PDZRN4: variants seen among roughly 807,000 people sequenced by gnomAD.
The protein encoded by PDZRN4 is PDZ domain containing ring finger 4, also known as PDZ domain-containing RING finger protein 4.
PDZRN4 carries 70 observed loss-of-function variants against 99.0 expected under a neutral mutation model. The ratio of observed to expected loss-of-function variants is 0.71; its 90% confidence interval spans 0.58 to 0.86. The LOEUF (loss-of-function observed/expected upper bound fraction) is 0.86. PDZRN4 is among the 40% of genes least tolerant of loss of function. The probability of loss-of-function intolerance (pLI) is 0.00; values close to 1 mark genes in which losing one functional copy is unlikely to be tolerated. For missense variants in PDZRN4, 1,474 were observed against 1,331.2 expected (o/e 1.11, Z -1.67); for synonymous variants, 551 against 501.6 (o/e 1.10, Z -1.32).
At chr12:41,264,145 G>A (rs1951262055) in intron 3 of PDZRN4, among the ~76,000 whole-genome samples, 1 of 152,122 alleles carries the variant, frequency 6.6e-6, no homozygotes. Flanking sequence ...TAAGGCTGTA[G>A]GTACAATGAA....
At chr12:41,531,353 C>T (rs774808442) in intron 5 of PDZRN4, among the ~76,000 whole-genome samples, 11 of 152,156 alleles carry the variant, frequency 7.2e-5, no homozygotes, top group Admixed American at 2.0e-4. Flanking sequence ...TGCCGGAGTT[C>T]CAGTGCCTGT....
chr12:41,497,256 A>AT (rs909507954), intron 3 of PDZRN4, among the ~76,000 whole-genome samples: 2 of 152,052 alleles, frequency 1.3e-5, no homozygotes, highest in African/African-American at 2.4e-5. Flanking sequence ...TGTTTGCAGG[A>AT]TTTTTTTTAA....
Position 41,222,897 on chromosome 12 carries a change from A to T in PDZRN4, c.843+28709A>T, listed in dbSNP as rs141960934. Among the ~76,000 whole-genome samples, 284 of 152,300 alleles carry T rather than the reference A, an allele frequency of 1.9e-3. 1 individual carries two copies. The highest frequency in any genetic ancestry group is 6.5e-3 in the African/African-American group (269 of 41,574). On this transcript the variant is annotated intron_variant, in intron 3 of 9. Coordinates refer to ENST00000402685, the MANE Select transcript of PDZRN4 (RefSeq NM_001164595.2). Reference sequence around the variant, plus strand: ...CTATAGTAAGAAACCTGTTAGATAGAACCCACAGTATCTATGGTGTATATC... The same window carrying T: ...CTATAGTAAGAAACCTGTTAGATAGTACCCACAGTATCTATGGTGTATATC...
In PDZRN4 at chr12:41,554,372, G is replaced by A. The variant is rs148018460; in HGVS notation, c.1303-1326G>A. ...AATTGGAGCTGCACTTTTCAGGGAAGGGAAAGAAGCCACAGGATCTGAACA... is the reference window on the plus strand; with the variant it reads ...AATTGGAGCTGCACTTTTCAGGGAAAGGAAAGAAGCCACAGGATCTGAACA... On this transcript the variant is annotated intron_variant, in intron 6 of 9. Coordinates refer to ENST00000402685, the MANE Select transcript of PDZRN4 (RefSeq NM_001164595.2). Among the ~76,000 whole-genome samples the A allele has an allele frequency of 9.9e-4, 150 of 152,198 alleles. 3 individuals carry two copies. The East Asian group carries it at 0.017, about 17-fold the overall frequency.
At chr12:41,319,230 T>A (rs1390297288) in intron 3 of PDZRN4, among the ~76,000 whole-genome samples, 1 of 152,076 alleles carries the variant, frequency 6.6e-6, no homozygotes, top group African/African-American at 2.4e-5. Context: ...TTTTGGAAGG[T>A]TTATTCATGT....
intron 3 of PDZRN4, among the ~76,000 whole-genome samples, chr12:41,332,213 C>T (rs1051866550): frequency 2.0e-5 from 3 of 152,032 alleles, no homozygotes; most frequent in African/African-American, 7.2e-5. Context: ...TTACGTTCAC[C>T]TGGAATGTGT....
intron 3 of PDZRN4, among the ~76,000 whole-genome samples, chr12:41,206,517 TATTA>T (rs1264041658): frequency 6.6e-6 from 1 of 151,318 alleles, no homozygotes; most frequent in Non-Finnish European, 1.5e-5. Context: ...CTTAATTATT[TATTA>T]ATTAAGCTTA....
intron 3 of PDZRN4, among the ~76,000 whole-genome samples, chr12:41,227,481 A>G (rs1951002252): frequency 6.6e-6 from 1 of 151,984 alleles, no homozygotes; most frequent in Non-Finnish European, 1.5e-5. Flanking sequence ...CCTGGGCAAC[A>G]TGGCAAAACC....
intron 3 of PDZRN4, among the ~76,000 whole-genome samples, chr12:41,195,797 A>G (rs1950767589): frequency 6.6e-6 from 1 of 152,184 alleles, no homozygotes; most frequent in Non-Finnish European, 1.5e-5. Flanking sequence ...TCTAAAGGGC[A>G]ACATACTTTA....
intron 3 of PDZRN4, among the ~76,000 whole-genome samples, chr12:41,418,098 AT>A (rs139716372): frequency 0.021 from 3,225 of 152,226 alleles, 133 homozygotes; most frequent in African/African-American, 0.071. Flanking sequence ...TAATAGGATT[AT>A]TTTTCCTGCT....
intron 3 of PDZRN4, among the ~76,000 whole-genome samples, chr12:41,473,078 G>T (rs1953008325): frequency 6.6e-6 from 1 of 151,882 alleles, no homozygotes; most frequent in Non-Finnish European, 1.5e-5. Flanking sequence ...TCTTAAGTTG[G>T]GTAAGATATT....
At chr12:41,417,408 A>G (rs1952454086) in intron 3 of PDZRN4, among the ~76,000 whole-genome samples, 1 of 117,566 alleles carries the variant, frequency 8.5e-6, no homozygotes, top group South Asian at 2.7e-4. Context: ...TGACAATGCT[A>G]ATAGTTTAGG....
chr12:41,281,191 C>G (rs1047616410), intron 3 of PDZRN4, among the ~76,000 whole-genome samples: 1 of 151,758 alleles, frequency 6.6e-6, no homozygotes, highest in African/African-American at 2.4e-5. Flanking sequence ...CAGATGACCA[C>G]GCAAAAACTC....
intron 1 of PDZRN4, among the ~76,000 whole-genome samples, chr12:41,190,926 G>C (rs1440486762): frequency 4.6e-5 from 7 of 152,066 alleles, no homozygotes; most frequent in Non-Finnish European, 1.0e-4. Flanking sequence ...AACCAAATAG[G>C]AATATTATTT....
intron 3 of PDZRN4, among the ~76,000 whole-genome samples, chr12:41,323,677 C>T (rs565548686): frequency 5.4e-4 from 82 of 151,938 alleles, no homozygotes; most frequent in African/African-American, 2.0e-3. Flanking sequence ...AAAAGTATGT[C>T]ACTAATACAG....
chr12:41,513,130 A>G (rs1938338115), intron 5 of PDZRN4, among the ~76,000 whole-genome samples: 1 of 152,048 alleles, frequency 6.6e-6, no homozygotes, highest in African/African-American at 2.4e-5. Flanking sequence ...ATAGACCAAA[A>G]CAGATCTGAC....
At chr12:41,512,992 A>T (rs2120691839) in intron 5 of PDZRN4, among the ~76,000 whole-genome samples, 1 of 152,218 alleles carries the variant, frequency 6.6e-6, no homozygotes, top group East Asian at 1.9e-4. Context: ...AACTTGCTAA[A>T]ATACAAACTA....
At chr12:41,253,789 A>G (rs1016376959) in intron 3 of PDZRN4, among the ~76,000 whole-genome samples, 2 of 152,196 alleles carry the variant, frequency 1.3e-5, no homozygotes, top group Non-Finnish European at 2.9e-5. Context: ...ATACACAATG[A>G]GATATTATTC....
intron 3 of PDZRN4, among the ~76,000 whole-genome samples, chr12:41,348,984 G>C (rs1020687216): frequency 6.6e-6 from 1 of 151,788 alleles, no homozygotes; most frequent in South Asian, 2.1e-4. Context: ...TTTTATTCTT[G>C]TCATGATTTT....
Sources: allele counts gnomAD v4.1 joint callset (sites outside exome capture counted in the v4.1 genomes callset), GRCh38; gene constraint gnomAD v4.1.1; transcripts MANE v1.5; gene names NCBI Gene and HGNC (gene_info 2026-07-23, HGNC 2026-07-21).